The following VIPR2 variants were observed in gnomAD, a reference collection of about 807,000 sequenced individuals.
The protein encoded by VIPR2 is vasoactive intestinal peptide receptor 2.
Under a neutral mutation model 58.0 loss-of-function variants are expected in VIPR2, and 48 were observed. That is an observed-to-expected ratio of 0.83 (90% CI 0.66 to 1.05). VIPR2 has a LOEUF of 1.05. Among genes scored for constraint, VIPR2 ranks in the 50% least tolerant of loss-of-function variants. The pLI is 0.00. For synonymous variants in VIPR2, 243 were observed against 235.2 expected (o/e 1.03, Z -0.30); for missense variants, 534 against 558.0 (o/e 0.96, Z 0.43).
chr7:159,141,900 G>C (rs2129498418), intron 2 of VIPR2, among the ~76,000 whole-genome samples: 1 of 152,342 alleles, frequency 6.6e-6, no homozygotes, highest in Admixed American at 6.5e-5. Flanking sequence ...TCTATAAACA[G>C]GTTGATAGCA....
intron 4 of VIPR2, among the ~76,000 whole-genome samples, chr7:159,090,227 C>T (rs1857388423): frequency 7.2e-6 from 1 of 138,046 alleles, no homozygotes; most frequent in Non-Finnish European, 1.6e-5. Flanking sequence ...GCACAGGGGC[C>T]ACCTCTTGTG....
intron 4 of VIPR2, among the ~76,000 whole-genome samples, chr7:159,077,871 C>G (rs72505597): frequency 0.046 from 6,983 of 152,298 alleles, 286 homozygotes; most frequent in African/African-American, 0.11. Context: ...ACCTGGACTG[C>G]AACTTGAGTT....
chr7:159,117,131 G>A lies in VIPR2; in HGVS notation c.152-7212C>T, dbSNP rs949455087. The A allele has an allele frequency of 1.0e-5, 6 of 588,672 alleles. No homozygotes were observed. The Admixed American group carries it at 1.2e-4, about 12-fold the overall frequency. The allele number at this position is 588,672 out of a possible 1,614,324, so 36.5% of individuals were successfully genotyped here. On this transcript the variant is annotated intron_variant, in intron 2 of 12. Coordinates refer to ENST00000262178, the MANE Select transcript of VIPR2 (RefSeq NM_003382.5). ...GAGGAGACCAGGTTCACAGAGGGGA[G>A]GAAACACACTCTGACCACAGGACGG...
At position 159,057,849 on chromosome 7, in the gene VIPR2, G is replaced by A. The variant is rs116238416; in HGVS notation, c.455+632C>T. On this transcript the variant is annotated intron_variant, in intron 5 of 12. Coordinates refer to ENST00000262178, the MANE Select transcript of VIPR2 (RefSeq NM_003382.5). Reference sequence around the variant, plus strand: ...ATTAGTTACCAAGAGACCCACTAAAGATGCAGGTGTGCAGGGGCCATCTCA... The same window carrying A: ...ATTAGTTACCAAGAGACCCACTAAAAATGCAGGTGTGCAGGGGCCATCTCA... Among the ~76,000 whole-genome samples, 946 of 152,284 alleles carry A rather than the reference G, an allele frequency of 6.2e-3. 6 individuals carry two copies. The highest frequency in any genetic ancestry group is 0.022 in the African/African-American group (909 of 41,540).
Position 159,098,928 on chromosome 7 carries a change from G to C in VIPR2, c.357+4829C>G, listed in dbSNP as rs1858036710. Among the ~76,000 whole-genome samples the C allele has an allele frequency of 6.6e-6, 1 of 152,196 alleles. No individual in the cohort carries two copies. The highest frequency in any genetic ancestry group is 2.4e-5 in the African/African-American group (1 of 41,456). The stretch of plus-strand genomic sequence containing the variant: ...GGCAGGAGAAACTCTGTTCAGTTCA[G>C]CTCCCAGGCAGCCCTGCGCTCGCCG... On this transcript the variant is annotated intron_variant, in intron 4 of 12. Coordinates refer to ENST00000262178, the MANE Select transcript of VIPR2 (RefSeq NM_003382.5). The surrounding 1 kb of genome is among the most constrained non-coding windows in gnomAD (Gnocchi z 5.2).
intron 3 of VIPR2, among the ~76,000 whole-genome samples, chr7:159,104,831 C>T (rs527602133): frequency 3.4e-4 from 51 of 149,122 alleles, no homozygotes; most frequent in African/African-American, 1.2e-3. Flanking sequence ...CTGACAGTAT[C>T]CTCCCTCCTC....
At chr7:159,114,182 ATTTGGCACAGTGAACCCTT>A (rs1796147538) in intron 2 of VIPR2, among the ~76,000 whole-genome samples, 1 of 152,160 alleles carries the variant, frequency 6.6e-6, no homozygotes, top group South Asian at 2.1e-4. Flanking sequence ...AGTGATTCAA[ATTTGGCACAGTGAACCCTT>A]TGGGAGAGGC....
chr7:159,050,839 T>C (rs1854961442), intron 5 of VIPR2, among the ~76,000 whole-genome samples: 1 of 152,126 alleles, frequency 6.6e-6, no homozygotes, highest in African/African-American at 2.4e-5. Flanking sequence ...TATGAGAGTG[T>C]AACTGCTAAA....
intron 4 of VIPR2, among the ~76,000 whole-genome samples, chr7:159,103,114 G>C (rs1858401738): frequency 6.6e-6 from 1 of 152,212 alleles, no homozygotes; most frequent in South Asian, 2.1e-4. Context: ...CCACACTCGG[G>C]AGAAACATCC....
At position 159,141,192 on chromosome 7, in the gene VIPR2, G is replaced by A. The variant is rs1294350201; in HGVS notation, c.151+1254C>T. Among the ~76,000 whole-genome samples the A allele has an allele frequency of 5.3e-5, 8 of 152,274 alleles. No homozygotes were observed. In the East Asian group the frequency reaches 1.5e-3, roughly 29 times the overall value. Reference sequence around the variant, plus strand: ...CTGCCTCCTCCATCCACATCTCCTGGGCCGCATCAGCATTTCCCAGGACAG... The same window carrying A: ...CTGCCTCCTCCATCCACATCTCCTGAGCCGCATCAGCATTTCCCAGGACAG... On this transcript the variant is annotated intron_variant, in intron 2 of 12. Coordinates refer to ENST00000262178, the MANE Select transcript of VIPR2 (RefSeq NM_003382.5).
chr7:159,089,547 C>T (rs1857345382), intron 4 of VIPR2, among the ~76,000 whole-genome samples: 1 of 152,238 alleles, frequency 6.6e-6, no homozygotes, highest in Non-Finnish European at 1.5e-5. Flanking sequence ...GTGCTTAGAG[C>T]ACAGTAAGCC....
rs1457220147 is a variant in VIPR2 at position 159,031,205 on chromosome 7, C to G, written c.1144-416G>C. Among the ~76,000 whole-genome samples, 1 of 152,078 alleles carries G rather than the reference C, an allele frequency of 6.6e-6. No homozygotes were observed. Among genetic ancestry groups the G allele is most frequent in the Non-Finnish European group, 1.5e-5 (1 of 68,012 alleles). Reference sequence around the variant, plus strand: ...GGGGTGGGGATGAGTGAGGGGTGCCCGGACGGCAGAGGAGGGAGGAGGACA... The same window carrying G: ...GGGGTGGGGATGAGTGAGGGGTGCCGGGACGGCAGAGGAGGGAGGAGGACA... On this transcript the variant is annotated intron_variant, in intron 12 of 12. Coordinates refer to ENST00000262178, the MANE Select transcript of VIPR2 (RefSeq NM_003382.5). This position sits in a 1 kb window ranked among gnomAD's most constrained non-coding sequence, Gnocchi z 4.0.
intron 4 of VIPR2, among the ~76,000 whole-genome samples, chr7:159,064,226 T>C (rs1196310646): frequency 6.6e-6 from 1 of 151,900 alleles, no homozygotes; most frequent in Non-Finnish European, 1.5e-5. Context: ...GGAGGGCTCC[T>C]TCTTCCCGCA....
At chr7:159,063,450 C>G (rs1855843124) in intron 4 of VIPR2, among the ~76,000 whole-genome samples, 1 of 152,038 alleles carries the variant, frequency 6.6e-6, no homozygotes, top group Non-Finnish European at 1.5e-5. Context: ...GCCTACCGAG[C>G]CCACGAACTT....
chr7:159,104,412 C>T (rs1202245404), intron 3 of VIPR2, among the ~76,000 whole-genome samples: 1 of 150,734 alleles, frequency 6.6e-6, no homozygotes, highest in Non-Finnish European at 1.5e-5. Context: ...ACCAGGTGTC[C>T]CGCCTGCTCC....
intron 4 of VIPR2, among the ~76,000 whole-genome samples, chr7:159,081,561 A>G (rs1329336876): frequency 1.3e-5 from 2 of 152,346 alleles, no homozygotes; most frequent in South Asian, 2.1e-4. Context: ...GGCATGGGCA[A>G]GGACTTCATG....
intron 5 of VIPR2, among the ~76,000 whole-genome samples, chr7:159,053,088 G>C (rs1210532034): frequency 6.6e-6 from 1 of 152,120 alleles, no homozygotes; most frequent in African/African-American, 2.4e-5. Context: ...GATTTAGTGA[G>C]GTTGCTGAAG....
At position 159,099,506 on chromosome 7, in the gene VIPR2, C is replaced by T. The variant is rs913767197; in HGVS notation, c.357+4251G>A. On this transcript the variant is annotated intron_variant, in intron 4 of 12. Coordinates refer to ENST00000262178, the MANE Select transcript of VIPR2 (RefSeq NM_003382.5). This position sits in a 1 kb window ranked among gnomAD's most constrained non-coding sequence, Gnocchi z 4.2. ...GGCGGCTGTCACTGCCTCCCAGATC[C>T]ACATCACTCTTTATAACCCAGGCTG... 6.6e-6 allele frequency among the ~76,000 whole-genome samples: 1 copy of T among 152,300 alleles called. No individual in the cohort carries two copies. The highest frequency in any genetic ancestry group is 2.4e-5 in the African/African-American group (1 of 41,570).
chr7:159,113,721 T>C (rs538202332), intron 2 of VIPR2, among the ~76,000 whole-genome samples: 2 of 152,298 alleles, frequency 1.3e-5, no homozygotes, highest in African/African-American at 4.8e-5. Context: ...ATGGCAATGA[T>C]GTACACCAGC....
Sources: allele counts gnomAD v4.1 joint callset (sites outside exome capture counted in the v4.1 genomes callset), GRCh38; gene constraint gnomAD v4.1.1; non-coding constraint Gnocchi (gnomAD v3.1); transcripts MANE v1.5; gene names NCBI Gene and HGNC (gene_info 2026-07-23, HGNC 2026-07-21).